The following KPNA2 variants were observed in gnomAD, a reference collection of about 807,000 sequenced individuals.
The protein encoded by KPNA2 is importin subunit alpha-1.
KPNA2 carries 20 observed loss-of-function variants against 53.7 expected under a neutral mutation model. That is an observed-to-expected ratio of 0.37 (90% CI 0.26 to 0.54). The LOEUF is 0.54. KPNA2 is among the 20% of genes least tolerant of loss of function. The pLI, the probability that KPNA2 is intolerant of heterozygous loss-of-function variation, is 0.83. For synonymous variants in KPNA2, 238 were observed against 227.5 expected, an observed-to-expected ratio of 1.05 and a Z score of -0.42; for missense variants, 515 against 640.3, an observed-to-expected ratio of 0.80 and a Z score of 2.11.
At chr17:68,039,025 A>T (rs1446063269) in intron 3 of KPNA2, among the ~76,000 whole-genome samples, 1 of 152,166 alleles carries the variant, frequency 6.6e-6, no homozygotes, top group East Asian at 1.9e-4. Flanking sequence ...AGAAATCCCT[A>T]CTCTATGAAG....
At chr17:68,042,444 A>G (rs1555704696) in intron 5 of KPNA2, 91 bp downstream of exon 5, 10 of 1,347,702 alleles carry the variant, frequency 7.4e-6, no homozygotes, top group Non-Finnish European at 1.0e-5. Context: ...GACTTTGTCA[A>G]GTTTTGAGCT....
At chr17:68,036,757 C>T (rs34900728) in intron 1 of KPNA2, among the ~76,000 whole-genome samples, 5,377 of 152,292 alleles carry the variant, frequency 0.035, 132 homozygotes, top group South Asian at 0.11. Context: ...ATATTGATAA[C>T]ACGTTGAAAT....
intron 9 of KPNA2, among the ~76,000 whole-genome samples, chr17:68,045,196 C>T (rs1351084047): frequency 6.6e-6 from 1 of 151,844 alleles, no homozygotes; most frequent in Non-Finnish European, 1.5e-5. Context: ...TTCTTCCCCT[C>T]ATCTAATCCC....
Position 68,043,143 on chromosome 17 carries a change from G to C in KPNA2, c.710G>C (p.Cys237Ser). ...CTTACCTGGACACTTTCTAATCTTT[G>C]CCGCAACAAGAATCCTGCACCCCCG... is the stretch of plus-strand genomic sequence containing the variant. The part of the protein sequence containing the change: ...RNLTWTLSNL[C>S]RNKNPAPPID... Residue 237 changes from cysteine to serine, a missense_variant, in exon 7 of 11, where the codon TGC becomes TCC. Physicochemically the swap from Cys to Ser is moderately radical, Grantham distance 112. Coordinates refer to ENST00000330459, the MANE Select transcript of KPNA2 (RefSeq NM_002266.4). The C allele has an allele frequency of 6.2e-7, 1 of 1,613,868 alleles. No homozygotes were observed.
rs113675114 is a variant in KPNA2 at position 68,039,488 on chromosome 17, T to C, written c.214-1190T>C. Among the ~76,000 whole-genome samples, 1,066 of 151,606 alleles carry C rather than the reference T, an allele frequency of 7.0e-3. 21 individuals are homozygous for C. The highest frequency in any genetic ancestry group is 0.022 in the African/African-American group (896 of 41,360). On this transcript the variant is annotated intron_variant, in intron 3 of 10. Transcript: ENST00000330459. ...AATATGTAGATTATAAAATTAGATA[T>C]GAAAATCCTCGGCCGGGTGTGGTGG...
chr17:68,042,654 G>A (rs1204538462), intron 5 of KPNA2, among the ~76,000 whole-genome samples: 1 of 151,986 alleles, frequency 6.6e-6, no homozygotes, highest in Non-Finnish European at 1.5e-5. Flanking sequence ...AGGCAGAGGC[G>A]GGTGGATCAT....
chr17:68,039,772 CTCTG>C (rs1555704267), intron 3 of KPNA2, among the ~76,000 whole-genome samples: 1 of 146,596 alleles, frequency 6.8e-6, no homozygotes, highest in African/African-American at 2.5e-5. Context: ...AAGAGCAAAA[CTCTG>C]TCTCCAAAAA....
Position 68,040,675 on chromosome 17 carries a change from T to C in KPNA2, c.214-3T>C. The C allele has an allele frequency of 3.1e-6, 5 of 1,599,520 alleles. No individual in the cohort carries two copies. The highest frequency in any genetic ancestry group is 4.3e-6 in the Non-Finnish European group (5 of 1,168,016). ...AATGTGCAAACTTTCACTTTTCTTC[T>C]AGGGCACTGTAAATTGGTCTGTTGA... is the stretch of plus-strand genomic sequence containing the variant. On this transcript the variant is annotated splice_region_variant and splice_polypyrimidine_tract_variant and intron_variant, in intron 3 of 10. Coordinates refer to ENST00000330459, the MANE Select transcript of KPNA2 (RefSeq NM_002266.4).
chr17:68,043,879 A>G lies in KPNA2; in HGVS notation c.972A>G (p.Thr324=), dbSNP rs2071295251. ...LRAIGNIVTG[T]DEQTQVVIDA... ...CCATAGGGAATATTGTCACTGGTAC[A>G]GATGAACAGACTCAGGTTGTGATTG... Residue 324 remains threonine (T), a synonymous_variant, in exon 8 of 11, where the codon ACA becomes ACG. Transcript: ENST00000330459. 1.2e-6 allele frequency: 2 copies of G among 1,613,480 alleles called. No individual in the cohort carries two copies. The highest frequency in any genetic ancestry group is 1.7e-5 in the Admixed American group (1 of 59,978).
Position 68,040,720 on chromosome 17 carries a change from A to C in KPNA2, c.256A>C (p.Asn86His). The C allele has an allele frequency of 1.2e-6, 2 of 1,613,850 alleles. No individual in the cohort carries two copies. The highest frequency in any genetic ancestry group is 1.7e-6 in the Non-Finnish European group (2 of 1,179,796). Residue 86 changes from asparagine (N) to histidine (H), a missense_variant, in exon 4 of 11, where the codon AAT (asparagine) becomes CAT (histidine). Transcript: ENST00000330459. ...WSVDDIVKGI[N>H]SSNVENQLQA... ...TGTTGATGACATTGTCAAAGGCATAAATAGCAGCAATGTGGAAAATCAGCT... is the reference window on the plus strand; with the variant it reads ...TGTTGATGACATTGTCAAAGGCATACATAGCAGCAATGTGGAAAATCAGCT...
At chr17:68,038,522 C>T (rs2071217233) in intron 3 of KPNA2, among the ~76,000 whole-genome samples, 1 of 152,102 alleles carries the variant, frequency 6.6e-6, no homozygotes, top group African/African-American at 2.4e-5. Flanking sequence ...TTATCATATC[C>T]TTCTTTATGC....
intron 4 of KPNA2, among the ~76,000 whole-genome samples, chr17:68,041,407 T>G (rs1256368312): frequency 1.3e-5 from 2 of 151,808 alleles, no homozygotes; most frequent in Non-Finnish European, 2.9e-5. Context: ...ACAAAAGAAA[T>G]TATTAGCTGG....
chr17:68,045,013 T>C (rs1555705229), intron 9 of KPNA2, among the ~76,000 whole-genome samples: 1 of 151,534 alleles, frequency 6.6e-6, no homozygotes, highest in Non-Finnish European at 1.5e-5. Context: ...GAGAATCGCT[T>C]GAACCCGGGA....
intron 9 of KPNA2, chr17:68,045,351 G>A (rs782153884): frequency 1.9e-5 from 3 of 155,284 alleles, no homozygotes; most frequent in Non-Finnish European, 4.3e-5. Flanking sequence ...TCTGTTTGGG[G>A]ACGTTTAGTT....
chr17:68,045,257 A>G (rs1269253563), intron 9 of KPNA2, among the ~76,000 whole-genome samples: 4 of 152,114 alleles, frequency 2.6e-5, no homozygotes, highest in Non-Finnish European at 1.5e-5. Context: ...ATATTTATGT[A>G]TCTCTTTAAG....
intron 5 of KPNA2, 122 bp downstream of exon 5, chr17:68,042,475 G>C: frequency 9.6e-7 from 1 of 1,042,660 alleles, no homozygotes; most frequent in Non-Finnish European, 1.4e-6. Context: ...CCCTTATTAG[G>C]AATGAAAGTG....
intron 6 of KPNA2, 31 bp from the exon 7 acceptor site, chr17:68,043,069 A>C (rs1206536246): frequency 1.1e-5 from 18 of 1,612,290 alleles, no homozygotes; most frequent in Non-Finnish European, 1.4e-5. Context: ...CAAAAGACAG[A>C]ACCTCTCATT....
At chr17:68,044,892 C>T (rs548462504) in intron 9 of KPNA2, among the ~76,000 whole-genome samples, 20 of 152,168 alleles carry the variant, frequency 1.3e-4, no homozygotes, top group African/African-American at 2.6e-4. Context: ...GTCAAGAGTT[C>T]GAGACCAGCC....
Position 68,043,152 on chromosome 17 carries a change from A to T in KPNA2, c.719A>T (p.Lys240Met), listed in dbSNP as rs2071282963. Residue 240 changes from lysine to methionine, a missense_variant, in exon 7 of 11, where the codon AAG (lysine) becomes ATG (methionine). Transcript: ENST00000330459. Reference protein sequence around the residue: ...TWTLSNLCRNKNPAPPIDAVE... With the variant: ...TWTLSNLCRNMNPAPPIDAVE... ...ACACTTTCTAATCTTTGCCGCAACAAGAATCCTGCACCCCCGATAGATGCT... is the reference window on the plus strand; with the variant it reads ...ACACTTTCTAATCTTTGCCGCAACATGAATCCTGCACCCCCGATAGATGCT... 1 of 1,614,182 alleles carries T rather than the reference A, an allele frequency of 6.2e-7. No individual in the cohort carries two copies. Among genetic ancestry groups the T allele is most frequent in the Non-Finnish European group, 8.5e-7 (1 of 1,180,042 alleles).
Sources: gnomAD v4.1 joint callset for allele counts (sites outside exome capture counted in the v4.1 genomes callset) on GRCh38, gnomAD v4.1.1 for gene constraint, MANE v1.5 for transcripts, NCBI Gene and HGNC (gene_info 2026-07-23, HGNC 2026-07-21) for gene names.